The following LAMA2 variants were observed in gnomAD, a reference collection of about 807,000 sequenced individuals.
LAMA2 encodes laminin subunit alpha-2.
Under a neutral mutation model 364.8 loss-of-function variants are expected in LAMA2, and 269 were observed. The ratio of observed to expected loss-of-function variants is 0.74; its 90% CI spans 0.67 to 0.82. The LOEUF (loss-of-function observed/expected upper bound fraction) is 0.82, where lower values mean the gene tolerates loss of function less well. Ranked by LOEUF, LAMA2 falls within the 40% of genes least tolerant of loss-of-function variation. The pLI, the probability that LAMA2 is intolerant of heterozygous loss-of-function variation, is 0.00. For missense variants in LAMA2, 3,807 were observed against 3,873.2 expected, an observed-to-expected ratio of 0.98 and a Z score of 0.45; for synonymous variants, 1,379 against 1,370.6, an observed-to-expected ratio of 1.01 and a Z score of -0.14.
intron 1 of LAMA2, among the ~76,000 whole-genome samples, chr6:129,041,151 C>A (rs1370846132): frequency 6.6e-6 from 1 of 152,208 alleles, no homozygotes; most frequent in East Asian, 1.9e-4. Context: ...CACCAGACAA[C>A]AACCTTCTTC....
chr6:129,074,843 C>T (rs2114825452), intron 3 of LAMA2, among the ~76,000 whole-genome samples: 2 of 152,092 alleles, frequency 1.3e-5, no homozygotes, highest in South Asian at 4.2e-4. Flanking sequence ...TAAAGTAGGC[C>T]TAAACAAAGC....
chr6:129,406,730 T>A (rs1351135966), intron 40 of LAMA2, among the ~76,000 whole-genome samples: 1 of 152,120 alleles, frequency 6.6e-6, no homozygotes, highest in East Asian at 1.9e-4. Flanking sequence ...GATGAATGTA[T>A]TAATGTTCTC....
intron 10 of LAMA2, among the ~76,000 whole-genome samples, chr6:129,185,682 G>A (rs1781186757): frequency 6.6e-6 from 1 of 151,666 alleles, no homozygotes; most frequent in Non-Finnish European, 1.5e-5. Flanking sequence ...AGGCTCCATA[G>A]GGACATGATG....
At chr6:129,049,701 A>G (rs1787854985) in intron 1 of LAMA2, among the ~76,000 whole-genome samples, 1 of 152,192 alleles carries the variant, frequency 6.6e-6, no homozygotes, top group East Asian at 1.9e-4. Context: ...AAAGAGGCTT[A>G]AAGTCCATAC....
Position 129,156,208 on chromosome 6 carries a change from C to G in LAMA2, c.1206+1525C>G, listed in dbSNP as rs183410103. 3.1e-3 allele frequency among the ~76,000 whole-genome samples: 473 copies of G among 151,244 alleles called. 1 individual carries two copies. The highest frequency in any genetic ancestry group is 0.011 in the African/African-American group (455 of 41,360). On this transcript the variant is annotated intron_variant, in intron 8 of 64. Transcript: ENST00000421865. ...CAATGATATTCAAAATATCATGTCA[C>G]ACATGATAAATATATACAATTTTGT...
chr6:128,959,611 A>G (rs1024334992), intron 1 of LAMA2, among the ~76,000 whole-genome samples: 29 of 151,966 alleles, frequency 1.9e-4, no homozygotes, highest in Non-Finnish European at 3.2e-4. Context: ...CTTCTGGCTA[A>G]CTCTCTTTTC....
intron 1 of LAMA2, chr6:128,930,081 T>G (rs1472434153): frequency 8.6e-6 from 3 of 347,236 alleles, no homozygotes; most frequent in African/African-American, 6.7e-5. Context: ...CAGCGGGGTC[T>G]CAATCAGCAG....
At chr6:129,021,245 A>C (rs1003924824) in intron 1 of LAMA2, among the ~76,000 whole-genome samples, 1 of 152,172 alleles carries the variant, frequency 6.6e-6, no homozygotes, top group African/African-American at 2.4e-5. Context: ...CAAAATGTTG[A>C]CTTATTTAGG....
intron 41 of LAMA2, among the ~76,000 whole-genome samples, chr6:129,433,194 G>A (rs1002016595): frequency 1.3e-5 from 2 of 152,158 alleles, no homozygotes; most frequent in African/African-American, 4.8e-5. Flanking sequence ...ATACCGTTCC[G>A]AATCATTGTC....
intron 3 of LAMA2, among the ~76,000 whole-genome samples, chr6:129,097,033 T>C (rs1643343224): frequency 6.6e-6 from 1 of 152,256 alleles, no homozygotes; most frequent in African/African-American, 2.4e-5. Context: ...GGATTCCCTC[T>C]GTAGCTCAGC....
chr6:129,203,873 T>C (rs1782453512), intron 12 of LAMA2, among the ~76,000 whole-genome samples: 1 of 152,212 alleles, frequency 6.6e-6, no homozygotes, highest in South Asian at 2.1e-4. Context: ...ATGAGGCTTC[T>C]AGCACCCCTC....
At chr6:129,326,471 A>G (rs1211155542) in intron 28 of LAMA2, among the ~76,000 whole-genome samples, 2 of 152,024 alleles carry the variant, frequency 1.3e-5, no homozygotes, top group Non-Finnish European at 2.9e-5. Flanking sequence ...CTCGATGAGG[A>G]GTATTACTTC....
At chr6:128,895,910 T>C (rs1024902295) in intron 1 of LAMA2, among the ~76,000 whole-genome samples, 1 of 152,208 alleles carries the variant, frequency 6.6e-6, no homozygotes, top group African/African-American at 2.4e-5. Flanking sequence ...ACCTAAAACG[T>C]GATTCTTTTC....
At chr6:129,289,647 GTAAT>G (rs1287783369) in intron 19 of LAMA2, among the ~76,000 whole-genome samples, 26 of 151,660 alleles carry the variant, frequency 1.7e-4, no homozygotes, top group African/African-American at 4.4e-4. Context: ...TTTTATTATG[GTAAT>G]TAATTATTAT....
chr6:129,465,342 T>C, intron 51 of LAMA2, 53 bp downstream of exon 51: 2 of 1,422,870 alleles, frequency 1.4e-6, no homozygotes, highest in Non-Finnish European at 2.0e-6. Context: ...AAATCCAAAG[T>C]GCACATGTAC....
At chr6:129,454,329 A>G (rs1782847417) in intron 47 of LAMA2, 41 bp downstream of exon 47, 3 of 1,534,180 alleles carry the variant, frequency 2.0e-6, no homozygotes, top group East Asian at 2.3e-5. Context: ...AAATGATAGA[A>G]TTTTGAAGTA....
At chr6:129,225,170 G>A (rs543195628) in intron 12 of LAMA2, among the ~76,000 whole-genome samples, 32 of 152,022 alleles carry the variant, frequency 2.1e-4, no homozygotes, top group South Asian at 6.2e-4. Flanking sequence ...CTGTGGGATC[G>A]GTGGTGATAT....
At chr6:129,424,406 CAA>C (rs1017034642) in intron 40 of LAMA2, among the ~76,000 whole-genome samples, 8 of 131,822 alleles carry the variant, frequency 6.1e-5, no homozygotes, top group Non-Finnish European at 4.9e-5. Context: ...TTCTTCCCTT[CAA>C]AAAAAAAAAA....
chr6:129,392,982 C>A, intron 36 of LAMA2, 63 bp from the exon 37 acceptor site: 3 of 1,268,194 alleles, frequency 2.4e-6, no homozygotes, highest in African/African-American at 1.5e-5. Flanking sequence ...TGGTTTAATA[C>A]CAATAAACCC....
Sources: gnomAD v4.1 joint callset for allele counts (sites outside exome capture counted in the v4.1 genomes callset) on GRCh38, gnomAD v4.1.1 for gene constraint, MANE v1.5 for transcripts, NCBI Gene and HGNC (gene_info 2026-07-23, HGNC 2026-07-21) for gene names.